The following DSTYK variants were observed in gnomAD, a reference collection of about 807,000 sequenced individuals.
The protein encoded by DSTYK is RIP-homologous kinase.
In DSTYK, 34 loss-of-function variants were observed where a neutral mutation model predicts 98.7. That is an observed-to-expected ratio of 0.34 (90% confidence interval 0.26 to 0.46). DSTYK has a LOEUF of 0.46. Ranked by LOEUF, DSTYK falls within the 20% of genes least tolerant of loss-of-function variation. The probability of loss-of-function intolerance (pLI) is 1.00; values close to 1 mark genes in which losing one functional copy is unlikely to be tolerated. For missense variants in DSTYK, 962 were observed against 1,181.7 expected, an observed-to-expected ratio of 0.81 and a Z score of 2.73; for synonymous variants, 462 against 457.3, an observed-to-expected ratio of 1.01 and a Z score of -0.13.
Position 205,147,250 on chromosome 1 carries a change from G to A in DSTYK, c.*308C>T, listed in dbSNP as rs1657263862. On this transcript the variant is annotated 3_prime_UTR_variant, in exon 13 of 13. Coordinates refer to ENST00000367162, the MANE Select transcript of DSTYK (RefSeq NM_015375.3). Reference sequence around the variant, plus strand: ...GTCTTAGAAGTATATACAGTGAAAAGACAATGGTAACATCTGCCTCCTTTT... The same window carrying A: ...GTCTTAGAAGTATATACAGTGAAAAAACAATGGTAACATCTGCCTCCTTTT... 8.1e-6 allele frequency: 2 copies of A among 245,800 alleles called. No individual in the cohort carries two copies. Among genetic ancestry groups the A allele is most frequent in the African/African-American group, 2.2e-5 (1 of 46,150 alleles). 15.2% of individuals were successfully genotyped at this position (245,800 alleles called of 1,614,324 possible). A position where few individuals can be genotyped will look rare whatever the true frequency, so the allele number is the denominator to read the frequency against.
At chr1:205,188,022 C>T (rs956252125) in intron 1 of DSTYK, among the ~76,000 whole-genome samples, 3 of 152,122 alleles carry the variant, frequency 2.0e-5, no homozygotes, top group Non-Finnish European at 4.4e-5. Flanking sequence ...CTAGCTCACC[C>T]CCTAGGAACA....
At chr1:205,158,508 T>A (rs1025251897) in intron 9 of DSTYK, among the ~76,000 whole-genome samples, 2 of 152,148 alleles carry the variant, frequency 1.3e-5, no homozygotes, top group Admixed American at 1.3e-4. Context: ...TCAAATAAAA[T>A]CCTTTAGTAG....
At chr1:205,204,484 C>A (rs201478122) in intron 1 of DSTYK, among the ~76,000 whole-genome samples, 2 of 106,914 alleles carry the variant, frequency 1.9e-5, no homozygotes, top group African/African-American at 2.7e-5. Context: ...ACACACACAA[C>A]CACTCAAACA....
chr1:205,176,876 A>G (rs1443077529), intron 2 of DSTYK, among the ~76,000 whole-genome samples: 1 of 152,168 alleles, frequency 6.6e-6, no homozygotes, highest in Non-Finnish European at 1.5e-5. Context: ...AAACTCTATT[A>G]TAACAAAGGA....
In DSTYK at chr1:205,150,874, G is replaced by C; in HGVS notation, c.2353-80C>G. 2 of 1,046,630 alleles carry C rather than the reference G, an allele frequency of 1.9e-6. No individual in the cohort carries two copies. Among genetic ancestry groups the C allele is most frequent in the Non-Finnish European group, 3.0e-6 (2 of 676,476 alleles). The allele number at this position is 1,046,630 out of a possible 1,614,324, so 64.8% of individuals were successfully genotyped here. A position where few individuals can be genotyped will look rare whatever the true frequency, so the allele number is the denominator to read the frequency against. On this transcript the variant is annotated intron_variant, in intron 10 of 12. Transcript: ENST00000367162. The surrounding 1 kb of genome is among the most constrained non-coding windows in gnomAD (Gnocchi z 4.1). ...GCTGCGTACCTAAGCTCAAAGGTAG[G>C]TACCTCAAAGTAGTGTCACTGGATA...
At chr1:205,157,427 C>T in intron 9 of DSTYK, 41 bp from the exon 10 acceptor site, 1 of 1,521,384 alleles carries the variant, frequency 6.6e-7, no homozygotes, top group South Asian at 1.1e-5. Context: ...GATAAGGCAA[C>T]TCCTCAATTC....
At chr1:205,180,187 C>T (rs1376645692) in intron 2 of DSTYK, among the ~76,000 whole-genome samples, 2 of 146,042 alleles carry the variant, frequency 1.4e-5, no homozygotes, top group Admixed American at 1.4e-4. Context: ...GTATGGTTTG[C>T]TGCACCTATC....
At chr1:205,159,987 A>G (rs1574755192) in intron 8 of DSTYK, 127 bp downstream of exon 8, 11 of 1,115,866 alleles carry the variant, frequency 9.9e-6, no homozygotes, top group Non-Finnish European at 1.3e-5. Flanking sequence ...AAGGGAGCAC[A>G]TGTCTGTTAG....
At position 205,160,244 on chromosome 1, in the gene DSTYK, C is replaced by T. The variant is rs1377499293; in HGVS notation, c.1975G>A (p.Gly659Ser). Residue 659 changes from glycine to serine, a missense_variant, in exon 8 of 13, where the codon GGC becomes AGC. Physicochemically the swap from Gly to Ser is moderately conservative, Grantham distance 56. Coordinates refer to ENST00000367162, the MANE Select transcript of DSTYK (RefSeq NM_015375.3). ...HRKPKLGQEL[G>S]RGQYGVVYLC... ...TATACCACACCATACTGGCCCCGGCCCAGTTCCTGTCCCAGTTTAGGTTTA... is the reference window on the plus strand; with the variant it reads ...TATACCACACCATACTGGCCCCGGCTCAGTTCCTGTCCCAGTTTAGGTTTA... 1 of 1,614,144 alleles carries T rather than the reference C, an allele frequency of 6.2e-7. No homozygotes were observed. Among genetic ancestry groups the T allele is most frequent in the Admixed American group, 1.7e-5 (1 of 60,024 alleles).
intron 6 of DSTYK, 147 bp from the exon 7 acceptor site, chr1:205,161,534 G>T: frequency 1.2e-6 from 1 of 838,940 alleles, no homozygotes; most frequent in South Asian, 1.9e-5. Flanking sequence ...ACAGAGACTG[G>T]CACAGAGTAG....
rs1343377194 is a variant in DSTYK at position 205,147,412 on chromosome 1, C to T, written c.*146G>A. On this transcript the variant is annotated 3_prime_UTR_variant, in exon 13 of 13. Transcript: ENST00000367162. ...AACTCTTCACTGTCCAGGAGTCATC[C>T]CTGCCTGGGAAGGTTCCAAGTTTCC... The T allele has an allele frequency of 3.2e-5, 26 of 820,886 alleles. No individual in the cohort carries two copies. Among genetic ancestry groups the T allele is most frequent in the Non-Finnish European group, 4.7e-5 (25 of 528,016 alleles). 50.9% of individuals were successfully genotyped at this position (820,886 alleles called of 1,614,324 possible).
rs564458647 is a variant in DSTYK, at chr1:205,207,480, G to A, written c.265+3791C>T. 3.3e-5 allele frequency among the ~76,000 whole-genome samples: 5 copies of A among 151,496 alleles called. No homozygotes were observed. The East Asian group carries it at 1.0e-3, about 30-fold the overall frequency. ...AAAATACTTTCCCATGCCGGGCACA[G>A]TGGCTCATGCCTGTAATCCCAGCAC... On this transcript the variant is annotated intron_variant, in intron 1 of 12. Coordinates refer to ENST00000367162, the MANE Select transcript of DSTYK (RefSeq NM_015375.3).
chr1:205,182,306 G>A (rs577126190), intron 2 of DSTYK, among the ~76,000 whole-genome samples: 1 of 151,690 alleles, frequency 6.6e-6, no homozygotes, highest in East Asian at 1.9e-4. Flanking sequence ...GAGGAGGCAG[G>A]AGAATCACTT....
intron 1 of DSTYK, among the ~76,000 whole-genome samples, chr1:205,209,463 G>A (rs764667564): frequency 7.0e-5 from 9 of 127,696 alleles, no homozygotes; most frequent in Non-Finnish European, 1.5e-4. Context: ...ATTTCTGGAC[G>A]TAAGATGTCA....
At chr1:205,195,245 C>T (rs1317501331) in intron 1 of DSTYK, among the ~76,000 whole-genome samples, 1 of 152,134 alleles carries the variant, frequency 6.6e-6, no homozygotes, top group Non-Finnish European at 1.5e-5. Flanking sequence ...ACCAGTGACA[C>T]AAAGATGCAT....
chr1:205,167,135 C>A (rs1003416258), intron 3 of DSTYK, among the ~76,000 whole-genome samples: 8 of 152,282 alleles, frequency 5.3e-5, no homozygotes, highest in Admixed American at 2.6e-4. Context: ...ATGGCTCATG[C>A]CTATAATCCC....
chr1:205,191,501 G>C (rs533520716), intron 1 of DSTYK, among the ~76,000 whole-genome samples: 2 of 152,302 alleles, frequency 1.3e-5, no homozygotes, highest in East Asian at 3.9e-4. Context: ...TAAATGGAGG[G>C]GGGTGGAGTT....
chr1:205,157,497 G>A (rs1001629481), intron 9 of DSTYK, 111 bp from the exon 10 acceptor site: 17 of 813,922 alleles, frequency 2.1e-5, no homozygotes, highest in Non-Finnish European at 2.6e-5. Flanking sequence ...GGGAAGAGCC[G>A]GGCACAGTGG....
At chr1:205,185,649 C>A (rs1574784479) in intron 2 of DSTYK, among the ~76,000 whole-genome samples, 2 of 152,322 alleles carry the variant, frequency 1.3e-5, no homozygotes, top group Non-Finnish European at 2.9e-5. Flanking sequence ...AGTAATATTT[C>A]ATGAAACTTA....
Sources: gnomAD v4.1 joint callset for allele counts (sites outside exome capture counted in the v4.1 genomes callset) on GRCh38, gnomAD v4.1.1 for gene constraint, Gnocchi (gnomAD v3.1) non-coding constraint, MANE v1.5 for transcripts, NCBI Gene and HGNC (gene_info 2026-07-23, HGNC 2026-07-21) for gene names.